Variants in CLC observed in about 807,000 individuals in gnomAD.
CLC encodes Charcot-Leyden crystal galectin.
In CLC, 15 loss-of-function variants were observed where a neutral mutation model predicts 13.9. The observed-to-expected ratio is 1.08, with a 90% confidence interval of 0.72 to 1.66. CLC has a LOEUF of 1.66. Among genes scored for constraint, CLC ranks in the 40% most tolerant of loss-of-function variants. CLC has a pLI of 0.00. For missense variants in CLC, 161 were observed against 169.1 expected, an observed-to-expected ratio of 0.95 and a Z score of 0.27; for synonymous variants, 68 against 59.9, an observed-to-expected ratio of 1.14 and a Z score of -0.63.
chr19:39,733,306 C>T (rs1159783267), intron 3 of CLC, among the ~76,000 whole-genome samples: 2 of 152,138 alleles, frequency 1.3e-5, no homozygotes, highest in African/African-American at 2.4e-5. Context: ...TTTGGCCTAC[C>T]CATTTGAAAT....
At position 39,733,853 on chromosome 19, in the gene CLC, G is replaced by C. The variant is rs1034522883; in HGVS notation, c.303+430C>G. 13 of 791,432 alleles carry C rather than the reference G, an allele frequency of 1.6e-5. No individual in the cohort carries two copies. In the African/African-American group the frequency reaches 2.3e-4, roughly 14 times the overall value. 49.0% of individuals were successfully genotyped at this position (791,432 alleles called of 1,614,324 possible). A position where few individuals can be genotyped will look rare whatever the true frequency, so the allele number is the denominator to read the frequency against. ...TGAGGAGTGAGAAGTCTTCATATTG[G>C]ACTGACTAAAACAATTTTATTCATG... On this transcript the variant is annotated intron_variant, in intron 3 of 3. Transcript: ENST00000221804.
chr19:39,736,501 G>C, intron 1 of CLC, among the ~76,000 whole-genome samples: 1 of 152,214 alleles, frequency 6.6e-6, no homozygotes, highest in East Asian at 1.9e-4. Context: ...CAGGCTGGGC[G>C]TGGTGGCTCA....
At chr19:39,732,048 A>AT (rs71171517) in intron 3 of CLC, among the ~76,000 whole-genome samples, 100,896 of 150,628 alleles carry the variant, frequency 0.67, 34,602 homozygotes, top group African/African-American at 0.77. Context: ...ATCTTTATTT[A>AT]TTTTTTTATG....
intron 1 of CLC, among the ~76,000 whole-genome samples, chr19:39,737,576 C>G (rs1218376026): frequency 6.6e-6 from 1 of 152,106 alleles, no homozygotes; most frequent in African/African-American, 2.4e-5. Context: ...CTCACACACA[C>G]ACTCACATCA....
At chr19:39,736,774 CAAAA>C (rs71171518) in intron 1 of CLC, among the ~76,000 whole-genome samples, 8,798 of 138,016 alleles carry the variant, frequency 0.064, 839 homozygotes, top group African/African-American at 0.21. Flanking sequence ...GACTCTGTCT[CAAAA>C]AAAAAAAAAA....
chr19:39,731,479 G>A lies in CLC; in HGVS notation c.330C>T (p.Tyr110=), dbSNP rs764430332. 4.3e-6 allele frequency: 7 copies of A among 1,612,334 alleles called. No individual in the cohort carries two copies. In the South Asian group the frequency reaches 7.7e-5, roughly 18 times the overall value. The change falls in exon 4 of 4, where the codon TAC becomes TAT. Residue 110 remains tyrosine (Y), a synonymous_variant. Transcript: ENST00000221804. ...YQVMVNGQSS[Y]TFDHRIKPEA... ...CAGGCTTGATTCTATGGTCAAAGGTGTAAGAGGATTGGCCATTGACCATTA... is the reference window on the plus strand; with the variant it reads ...CAGGCTTGATTCTATGGTCAAAGGTATAAGAGGATTGGCCATTGACCATTA...
At chr19:39,737,223 G>A (rs378917) in intron 1 of CLC, among the ~76,000 whole-genome samples, 93,036 of 150,502 alleles carry the variant, frequency 0.62, 29,218 homozygotes, top group Non-Finnish European at 0.67. Flanking sequence ...CAGCCCCATC[G>A]TCTGTTTCTC....
At chr19:39,735,153 C>T (rs968090008) in intron 1 of CLC, 80 bp from the exon 2 acceptor site, 14 of 956,050 alleles carry the variant, frequency 1.5e-5, no homozygotes, top group Non-Finnish European at 2.0e-5. Flanking sequence ...CATGGTGCAG[C>T]CAGTTAGAGA....
intron 2 of CLC, among the ~76,000 whole-genome samples, 186 bp from the exon 3 acceptor site, chr19:39,734,679 A>T (rs385520): frequency 0.67 from 101,621 of 152,120 alleles, 34,686 homozygotes; most frequent in African/African-American, 0.76. Flanking sequence ...TCCAGCCCTC[A>T]TCCACAGATG....
At chr19:39,733,644 C>T (rs1393981785) in intron 3 of CLC, among the ~76,000 whole-genome samples, 1 of 152,120 alleles carries the variant, frequency 6.6e-6, no homozygotes, top group Non-Finnish European at 1.5e-5. Context: ...ATTATTTCTC[C>T]AATATATATT....
In CLC at chr19:39,735,093, G is replaced by C; in HGVS notation, c.16-20C>G. ...TGGCACCTGCCAGGGGATTGAGAGT[G>C]GGTGAGAGAGGCAGGGCCAGGTGTG... On this transcript the variant is annotated intron_variant, in intron 1 of 3. Coordinates refer to ENST00000221804, the MANE Select transcript of CLC (RefSeq NM_001828.6). 3 of 1,588,908 alleles carry C rather than the reference G, an allele frequency of 1.9e-6. No homozygotes were observed. Among genetic ancestry groups the C allele is most frequent in the Non-Finnish European group, 2.6e-6 (3 of 1,157,190 alleles).
rs555882034 is a variant in CLC at position 39,735,212 on chromosome 19, A to T, written c.16-139T>A. The T allele has an allele frequency of 3.9e-4, 244 of 633,156 alleles. 2 individuals carry two copies. The highest frequency in any genetic ancestry group is 3.5e-4 in the Non-Finnish European group (124 of 353,694). 39.2% of individuals were successfully genotyped at this position (633,156 alleles called of 1,614,324 possible). ...CTGCTCCCACCCTACCTCAGTCAGG[A>T]CCCCGTATTTTTCAAAACAATGGGG... On this transcript the variant is annotated intron_variant, in intron 1 of 3. Transcript: ENST00000221804.
Position 39,734,435 on chromosome 19 carries a change from C to A in CLC, c.151G>T (p.Val51Phe). The A allele has an allele frequency of 1.2e-6, 2 of 1,614,188 alleles. No individual in the cohort carries two copies. Among genetic ancestry groups the A allele is most frequent in the Non-Finnish European group, 1.7e-6 (2 of 1,180,010 alleles). Residue 51 changes from valine to phenylalanine, a missense_variant, in exon 3 of 4, where the codon GTC (valine) becomes TTC (phenylalanine). Physicochemically the swap from Val to Phe is conservative, Grantham distance 50. Transcript: ENST00000221804. Reference protein sequence around the residue: ...HTEMKEESDIVFHFQVCFGRR... With the variant: ...HTEMKEESDIFFHFQVCFGRR... Reference sequence around the variant, plus strand: ...CCAAAGCACACTTGGAAATGGAAGACAATGTCTGATTCCTCCTTCATCTCA... The same window carrying A: ...CCAAAGCACACTTGGAAATGGAAGAAAATGTCTGATTCCTCCTTCATCTCA...
chr19:39,733,192 C>T (rs1027178875), intron 3 of CLC, among the ~76,000 whole-genome samples: 60 of 151,796 alleles, frequency 4.0e-4, no homozygotes, highest in Non-Finnish European at 8.8e-5. Context: ...TCATCACTGG[C>T]CATCAGAGAA....
At chr19:39,735,913 GT>G in intron 1 of CLC, among the ~76,000 whole-genome samples, 1 of 152,120 alleles carries the variant, frequency 6.6e-6, no homozygotes, top group Non-Finnish European at 1.5e-5. Flanking sequence ...ACAACTTTGG[GT>G]TAGTTTCAAT....
chr19:39,736,918 A>G (rs1222505763), intron 1 of CLC, among the ~76,000 whole-genome samples: 14 of 152,090 alleles, frequency 9.2e-5, no homozygotes, highest in Non-Finnish European at 7.4e-5. Flanking sequence ...AAATCTTGCT[A>G]TGTCTCCCAG....
At chr19:39,737,820 C>T (rs886242525) in intron 1 of CLC, 118 bp downstream of exon 1, 17 of 1,083,154 alleles carry the variant, frequency 1.6e-5, no homozygotes, top group Admixed American at 9.9e-5. Context: ...TTCCACACAC[C>T]CACAACTCTC....
intron 2 of CLC, 75 bp downstream of exon 2, chr19:39,734,922 C>T (rs550687581): frequency 7.0e-6 from 8 of 1,150,834 alleles, no homozygotes; most frequent in Non-Finnish European, 1.0e-5. Context: ...CCACATGATT[C>T]ACACATGAGG....
At chr19:39,737,244 T>C (rs1967327162) in intron 1 of CLC, among the ~76,000 whole-genome samples, 2 of 151,448 alleles carry the variant, frequency 1.3e-5, no homozygotes. Context: ...ACCCCCATTC[T>C]GCTTGGGAAA....
Sources: gnomAD v4.1 joint callset for allele counts (sites outside exome capture counted in the v4.1 genomes callset) on GRCh38, gnomAD v4.1.1 for gene constraint, MANE v1.5 for transcripts, NCBI Gene and HGNC (gene_info 2026-07-23, HGNC 2026-07-21) for gene names.